The following SYN3 variants were observed in gnomAD, a reference collection of about 807,000 sequenced individuals.
The protein encoded by SYN3 is synapsin-3.
In SYN3, 35 loss-of-function variants were observed where a neutral mutation model predicts 65.8. That is an observed-to-expected ratio of 0.53 (90% CI 0.41 to 0.70). The LOEUF is 0.70. SYN3 is among the 30% of genes least tolerant of loss of function. The pLI is 0.00. For synonymous variants in SYN3, 270 were observed against 292.9 expected (o/e 0.92, Z 0.80); for missense variants, 680 against 749.0 (o/e 0.91, Z 1.08).
rs2057687239 is a variant in SYN3 at position 32,511,146 on chromosome 22, C to T, written c.*2546G>A. Among the ~76,000 whole-genome samples, 2 of 152,080 alleles carry T rather than the reference C, an allele frequency of 1.3e-5. No homozygotes were observed. Among genetic ancestry groups the T allele is most frequent in the Non-Finnish European group, 2.9e-5 (2 of 68,014 alleles). On this transcript the variant is annotated 3_prime_UTR_variant, in exon 14 of 14. Coordinates refer to ENST00000358763, the MANE Select transcript of SYN3 (RefSeq NM_003490.4). ...CCACATCTGATATTTTGAATTTCAC[C>T]TCCCGTCTCTTTTCCCTATGCCCCA...
At chr22:32,525,688 G>A (rs2057964795) in intron 12 of SYN3, among the ~76,000 whole-genome samples, 1 of 148,976 alleles carries the variant, frequency 6.7e-6, no homozygotes, top group Non-Finnish European at 1.5e-5. Flanking sequence ...TCCAGCCTGG[G>A]CGACAAGGAG....
At chr22:32,885,566 C>T (rs1003182576) in intron 4 of SYN3, among the ~76,000 whole-genome samples, 1 of 148,358 alleles carries the variant, frequency 6.7e-6, no homozygotes, top group African/African-American at 2.4e-5. Context: ...TCTTCCCTTT[C>T]CTTTTTTTTT....
In SYN3 at chr22:32,885,719, C is replaced by T. The variant is rs570904812; in HGVS notation, c.462-16594G>A. The stretch of plus-strand genomic sequence containing the variant: ...GGGACTACAGGCGCCCACCACCATG[C>T]CCAGCTAATTTTTGTATTCTTAGTA... On this transcript the variant is annotated intron_variant, in intron 4 of 13. Coordinates refer to ENST00000358763, the MANE Select transcript of SYN3 (RefSeq NM_003490.4). 1.6e-4 allele frequency among the ~76,000 whole-genome samples: 24 copies of T among 152,264 alleles called. No homozygotes were observed. The South Asian group carries it at 4.8e-3, about 30-fold the overall frequency.
intron 6 of SYN3, among the ~76,000 whole-genome samples, chr22:32,599,942 G>A (rs561654560): frequency 2.0e-5 from 3 of 152,038 alleles, no homozygotes; most frequent in South Asian, 2.1e-4. Context: ...GGTACGTCGC[G>A]GTCATGTGCA....
chr22:32,584,682 G>C (rs1345807467), intron 7 of SYN3, among the ~76,000 whole-genome samples: 2 of 152,146 alleles, frequency 1.3e-5, no homozygotes, highest in Non-Finnish European at 2.9e-5. Context: ...TGTCCCTCTT[G>C]ACAAAATGGG....
chr22:32,704,699 C>A (rs1270346117), intron 6 of SYN3, among the ~76,000 whole-genome samples: 1 of 151,930 alleles, frequency 6.6e-6, no homozygotes, highest in African/African-American at 2.4e-5. Flanking sequence ...GTATAAGTGT[C>A]CTGCACAACC....
chr22:32,554,772 C>T (rs528804664), intron 7 of SYN3, among the ~76,000 whole-genome samples: 4 of 152,244 alleles, frequency 2.6e-5, no homozygotes, highest in Middle Eastern at 3.4e-3. Context: ...GCTCCATCTG[C>T]GAGACACACC....
intron 6 of SYN3, among the ~76,000 whole-genome samples, chr22:32,743,799 C>T (rs966958929): frequency 2.6e-5 from 4 of 152,088 alleles, no homozygotes; most frequent in Admixed American, 2.0e-4. Context: ...CTGCAGAAGG[C>T]AATGAGTTGG....
intron 4 of SYN3, among the ~76,000 whole-genome samples, chr22:32,881,794 G>A (rs1030335655): frequency 5.3e-5 from 8 of 152,222 alleles, no homozygotes; most frequent in South Asian, 2.1e-4. Context: ...AGTGGCTCAC[G>A]CCTGTAATCC....
At chr22:32,536,108 G>A (rs1049817186) in intron 9 of SYN3, among the ~76,000 whole-genome samples, 9 of 152,354 alleles carry the variant, frequency 5.9e-5, no homozygotes, top group African/African-American at 2.2e-4. Flanking sequence ...TGGCCTGCTG[G>A]GGACATCTGT....
intron 4 of SYN3, among the ~76,000 whole-genome samples, chr22:32,871,676 A>C (rs879403526): frequency 1.3e-5 from 2 of 151,922 alleles, no homozygotes; most frequent in African/African-American, 2.4e-5. Context: ...TGGTGTCATC[A>C]CACTCACTGC....
At chr22:32,828,334 A>G (rs2047474216) in intron 6 of SYN3, among the ~76,000 whole-genome samples, 1 of 152,198 alleles carries the variant, frequency 6.6e-6, no homozygotes, top group Non-Finnish European at 1.5e-5. Context: ...TCTTAGGACA[A>G]CATTCTTTTA....
chr22:32,889,267 A>G (rs1211439908), intron 4 of SYN3, among the ~76,000 whole-genome samples: 3 of 152,082 alleles, frequency 2.0e-5, no homozygotes, highest in Non-Finnish European at 4.4e-5. Context: ...CTCTTGCCCC[A>G]ACTATAATTA....
chr22:32,745,942 A>G (rs976482413), intron 6 of SYN3, among the ~76,000 whole-genome samples: 3 of 152,222 alleles, frequency 2.0e-5, no homozygotes, highest in African/African-American at 7.2e-5. Context: ...TTATAAAAGA[A>G]AAGAGGAGAG....
chr22:32,735,444 G>A lies in SYN3; in HGVS notation c.711+129471C>T, dbSNP rs558128741. Among the ~76,000 whole-genome samples, 109 of 152,302 alleles carry A rather than the reference G, an allele frequency of 7.2e-4. 1 individual carries two copies. Among genetic ancestry groups the A allele is most frequent in the African/African-American group, 2.2e-3 (91 of 41,560 alleles). On this transcript the variant is annotated intron_variant, in intron 6 of 13. Coordinates refer to ENST00000358763, the MANE Select transcript of SYN3 (RefSeq NM_003490.4). ...TAGCAGATCAAGCCCACAATGTTGC[G>A]GTGGGAAGCAAAATAATTTGTACGA... is the stretch of plus-strand genomic sequence containing the variant.
At chr22:32,671,658 C>G (rs1277332223) in intron 6 of SYN3, among the ~76,000 whole-genome samples, 4 of 149,796 alleles carry the variant, frequency 2.7e-5, no homozygotes, top group Non-Finnish European at 5.9e-5. Context: ...GATGCACACA[C>G]GCTGTCACAC....
intron 4 of SYN3, among the ~76,000 whole-genome samples, chr22:32,907,568 G>T (rs1299467162): frequency 6.6e-6 from 1 of 152,158 alleles, no homozygotes; most frequent in Non-Finnish European, 1.5e-5. Flanking sequence ...TCTAAGGTGG[G>T]AGTAGGGAGC....
intron 6 of SYN3, among the ~76,000 whole-genome samples, chr22:32,694,649 C>T: frequency 6.6e-6 from 1 of 152,132 alleles, no homozygotes; most frequent in East Asian, 1.9e-4. Flanking sequence ...GCAGGACCAA[C>T]TTTTTGTATC....
chr22:32,528,741 C>A, intron 11 of SYN3, 133 bp downstream of exon 11: 1 of 1,304,750 alleles, frequency 7.7e-7, no homozygotes, highest in South Asian at 1.5e-5. Flanking sequence ...TGGCCTTCGT[C>A]CACACCCCCA....
Sources: gnomAD v4.1 joint callset for allele counts (sites outside exome capture counted in the v4.1 genomes callset) on GRCh38, gnomAD v4.1.1 for gene constraint, MANE v1.5 for transcripts, NCBI Gene and HGNC (gene_info 2026-07-23, HGNC 2026-07-21) for gene names.